Variants in ABL1 observed in about 807,000 individuals in gnomAD.
ABL1 encodes tyrosine-protein kinase ABL1.
In ABL1, 11 loss-of-function variants were observed where a neutral mutation model predicts 94.7. The ratio of observed to expected loss-of-function variants is 0.12; its 90% CI spans 0.07 to 0.19. The LOEUF (loss-of-function observed/expected upper bound fraction) is 0.19. Ranked by LOEUF, ABL1 falls within the 10% of genes least tolerant of loss-of-function variation. The pLI is 1.00. For missense variants in ABL1, 1,082 were observed against 1,489.4 expected (o/e 0.73, Z 4.50); for synonymous variants, 656 against 622.4 (o/e 1.05, Z -0.80).
chr9:130,731,661 A>G (rs1831668526), intron 1 of ABL1, among the ~76,000 whole-genome samples: 2 of 152,190 alleles, frequency 1.3e-5, no homozygotes, highest in Non-Finnish European at 2.9e-5. Flanking sequence ...GTATTACTGT[A>G]GCTTTAAAAT....
At chr9:130,846,727 G>A (rs746136813) in intron 1 of ABL1, among the ~76,000 whole-genome samples, 2 of 152,196 alleles carry the variant, frequency 1.3e-5, no homozygotes, top group Non-Finnish European at 2.9e-5. Flanking sequence ...GCCGGTACTG[G>A]GGTTCATGGG....
At position 130,885,481 on chromosome 9, in the gene ABL1, A is replaced by C; in HGVS notation, c.3191A>C (p.Tyr1064Ser). ...GTGCTGGAGGCCGGCAAAAACCTCT[A>C]CACGTTCTGCGTGAGCTATGTGGAT... The part of the protein sequence containing the change: ...SAVLEAGKNL[Y>S]TFCVSYVDSI... The change falls in exon 11 of 11, where the codon TAC (tyrosine) becomes TCC (serine). Residue 1064 changes from tyrosine (Y) to serine (S), a missense_variant. By Grantham distance (144) the Tyr-to-Ser change is moderately radical. Coordinates refer to ENST00000318560, the MANE Select transcript of ABL1 (RefSeq NM_005157.6). 1 of 1,614,038 alleles carries C rather than the reference A, an allele frequency of 6.2e-7. No individual in the cohort carries two copies. Among genetic ancestry groups the C allele is most frequent in the Non-Finnish European group, 8.5e-7 (1 of 1,180,032 alleles).
chr9:130,783,642 G>T (rs1312741153), intron 1 of ABL1, among the ~76,000 whole-genome samples: 1 of 150,794 alleles, frequency 6.6e-6, no homozygotes, highest in African/African-American at 2.5e-5. Context: ...TGTGTTTTTT[G>T]TTTGTTTGTT....
At chr9:130,767,780 T>TAC (rs534368272) in intron 1 of ABL1, among the ~76,000 whole-genome samples, 9 of 152,228 alleles carry the variant, frequency 5.9e-5, no homozygotes. Context: ...CACACACACG[T>TAC]ACACACACAT....
intron 10 of ABL1, among the ~76,000 whole-genome samples, chr9:130,883,326 CG>C (rs1831498171): frequency 6.6e-6 from 1 of 152,072 alleles, no homozygotes; most frequent in Admixed American, 6.5e-5. Context: ...GGTGAAACCC[CG>C]TCTCTACTAA....
At position 130,872,035 on chromosome 9, in the gene ABL1, C is replaced by T. The variant is rs752767249; in HGVS notation, c.823-94C>T. On this transcript the variant is annotated intron_variant, in intron 4 of 10. Transcript: ENST00000318560. The surrounding 1 kb of genome is among the most constrained non-coding windows in gnomAD (Gnocchi z 5.0). The stretch of plus-strand genomic sequence containing the variant: ...CAAAACGCAGCCCAGGACGAGTATG[C>T]GCTGAAGCTCCATTTTGCATTAACT... The T allele has an allele frequency of 1.4e-5, 15 of 1,109,664 alleles. No individual in the cohort carries two copies. The highest frequency in any genetic ancestry group is 4.6e-5 in the African/African-American group (3 of 65,154). 68.7% of individuals were successfully genotyped at this position (1,109,664 alleles called of 1,614,324 possible). A position where few individuals can be genotyped will look rare whatever the true frequency, so the allele number is the denominator to read the frequency against.
At chr9:130,822,149 T>G (rs983244856) in intron 1 of ABL1, among the ~76,000 whole-genome samples, 2 of 152,172 alleles carry the variant, frequency 1.3e-5, no homozygotes, top group Non-Finnish European at 2.9e-5. Flanking sequence ...ATTTTGTATT[T>G]TTAGTAGAGA....
rs79634594 is a variant in ABL1 at position 130,866,699 on chromosome 9, A to T, written c.822+3664A>T. ...CAGGACACTAGGCTGACCCCTGCAGATGGGAAGCTGGAATTACAGCAAAGG... is the reference window on the plus strand; with the variant it reads ...CAGGACACTAGGCTGACCCCTGCAGTTGGGAAGCTGGAATTACAGCAAAGG... On this transcript the variant is annotated intron_variant, in intron 4 of 10. Coordinates refer to ENST00000318560, the MANE Select transcript of ABL1 (RefSeq NM_005157.6). Among the ~76,000 whole-genome samples, 1,265 of 152,346 alleles carry T rather than the reference A, an allele frequency of 8.3e-3. 15 individuals are homozygous for T. The highest frequency in any genetic ancestry group is 0.029 in the African/African-American group (1,217 of 41,572).
At chr9:130,855,953 T>A (rs1830967168) in intron 3 of ABL1, among the ~76,000 whole-genome samples, 1 of 152,124 alleles carries the variant, frequency 6.6e-6, no homozygotes, top group Non-Finnish European at 1.5e-5. Context: ...TCTTGCCCTG[T>A]CACCCAGGCT....
intron 1 of ABL1, among the ~76,000 whole-genome samples, chr9:130,797,283 C>T (rs999742156): frequency 1.0e-4 from 14 of 135,546 alleles, no homozygotes; most frequent in Non-Finnish European, 3.1e-5. Flanking sequence ...GAATAAACTT[C>T]GTTGTGTCAT....
intron 1 of ABL1, among the ~76,000 whole-genome samples, chr9:130,731,458 C>T (rs1341392605): frequency 6.6e-6 from 1 of 152,042 alleles, no homozygotes; most frequent in Non-Finnish European, 1.5e-5. Flanking sequence ...TCTTACATCT[C>T]ATGTTTATAG....
chr9:130,739,363 T>C (rs1402300686), intron 1 of ABL1, among the ~76,000 whole-genome samples: 1 of 138,300 alleles, frequency 7.2e-6, no homozygotes, highest in Non-Finnish European at 1.5e-5. Flanking sequence ...TCCTTCCTGA[T>C]TTTTTTTTTT....
At chr9:130,799,229 T>A (rs1830023883) in intron 1 of ABL1, among the ~76,000 whole-genome samples, 1 of 152,208 alleles carries the variant, frequency 6.6e-6, no homozygotes, top group Non-Finnish European at 1.5e-5. Flanking sequence ...CCATCGGAGA[T>A]GCTCCATAGT....
At chr9:130,848,035 A>C (rs1459701057) in intron 1 of ABL1, among the ~76,000 whole-genome samples, 1 of 152,144 alleles carries the variant, frequency 6.6e-6, no homozygotes, top group African/African-American at 2.4e-5. Context: ...GAAGAAAAGC[A>C]TTTCTGTATT....
intron 1 of ABL1, among the ~76,000 whole-genome samples, chr9:130,776,586 A>C (rs1423996521): frequency 2.0e-5 from 3 of 151,944 alleles, no homozygotes; most frequent in South Asian, 2.1e-4. Context: ...CAAAAAAAAA[A>C]AAAAGCAGCA....
rs558794771 is a variant in ABL1 at position 130,869,121 on chromosome 9, C to T, written c.823-3008C>T. ...GGCGGAGCTTGCAGTGAGCCGAGAT[C>T]GCGCCACTGCACTCTAGCCTGGGCG... On this transcript the variant is annotated intron_variant, in intron 4 of 10. Coordinates refer to ENST00000318560, the MANE Select transcript of ABL1 (RefSeq NM_005157.6). Among the ~76,000 whole-genome samples, 19 of 151,828 alleles carry T rather than the reference C, an allele frequency of 1.3e-4. No individual in the cohort carries two copies. The East Asian group carries it at 3.7e-3, about 30-fold the overall frequency.
At chr9:130,876,666 C>G (rs539666329) in intron 7 of ABL1, among the ~76,000 whole-genome samples, 65 of 151,644 alleles carry the variant, frequency 4.3e-4, no homozygotes, top group African/African-American at 1.5e-3. Context: ...GGCAGTCCAC[C>G]TGCCTTGGCC....
chr9:130,752,205 T>C (rs747798472), intron 1 of ABL1, among the ~76,000 whole-genome samples: 1 of 152,230 alleles, frequency 6.6e-6, no homozygotes, highest in Non-Finnish European at 1.5e-5. Context: ...AGTGCCCAGA[T>C]TCTGAAGGCA....
chr9:130,803,185 CCG>C (rs1830079382), intron 1 of ABL1, among the ~76,000 whole-genome samples: 1 of 151,954 alleles, frequency 6.6e-6, no homozygotes, highest in Non-Finnish European at 1.5e-5. Context: ...GATTACAGGC[CCG>C]CACCACCACG....
Sources: allele counts gnomAD v4.1 joint callset (sites outside exome capture counted in the v4.1 genomes callset), GRCh38; gene constraint gnomAD v4.1.1; non-coding constraint Gnocchi (gnomAD v3.1); transcripts MANE v1.5; gene names NCBI Gene and HGNC (gene_info 2026-07-23, HGNC 2026-07-21).